MYH15: variants seen among roughly 807,000 people sequenced by gnomAD.
MYH15 encodes the protein myosin heavy chain 15, also known as myosin-15.
A neutral mutation model predicts 240.5 loss-of-function variants in MYH15; 227 were observed. The ratio of observed to expected loss-of-function variants is 0.94; its 90% confidence interval spans 0.85 to 1.05. The LOEUF is 1.05. Among genes scored for constraint, MYH15 ranks in the 50% least tolerant of loss-of-function variants. The probability of loss-of-function intolerance (pLI) is 0.00; values close to 1 mark genes in which losing one functional copy is unlikely to be tolerated. For missense variants in MYH15, 2,217 were observed against 2,247.5 expected (o/e 0.99, Z 0.27); for synonymous variants, 785 against 796.7 (o/e 0.99, Z 0.25).
At chr3:108,525,461 C>T (rs1282136277) in intron 1 of MYH15, among the ~76,000 whole-genome samples, 5 of 152,240 alleles carry the variant, frequency 3.3e-5, no homozygotes, top group Admixed American at 6.5e-5. Context: ...AATGACCCAG[C>T]ACATTGCATT....
chr3:108,424,848 A>G (rs1423596620), intron 27 of MYH15, among the ~76,000 whole-genome samples: 1 of 152,230 alleles, frequency 6.6e-6, no homozygotes, highest in Non-Finnish European at 1.5e-5. Context: ...CATGCTCACC[A>G]ACAGACATAC....
At chr3:108,477,521 T>A (rs1202862419) in intron 11 of MYH15, among the ~76,000 whole-genome samples, 1 of 152,196 alleles carries the variant, frequency 6.6e-6, no homozygotes, top group African/African-American at 2.4e-5. Flanking sequence ...CTTTTAAAAA[T>A]TGAGATATAA....
chr3:108,408,582 A>G (rs1216418659), intron 31 of MYH15, among the ~76,000 whole-genome samples, 178 bp from the exon 32 acceptor site: 2 of 152,206 alleles, frequency 1.3e-5, no homozygotes, highest in African/African-American at 4.8e-5. Context: ...ATTTTTTCAT[A>G]TAGTCTTTTG....
chr3:108,458,274 ATAGAACTCAGCTAAT>A (rs1040730923), intron 18 of MYH15, among the ~76,000 whole-genome samples: 6 of 152,352 alleles, frequency 3.9e-5, no homozygotes, highest in Non-Finnish European at 7.3e-5. Context: ...TTGCTCCAAA[ATAGAACTCAGCTAAT>A]TAGATTCCTT....
intron 1 of MYH15, among the ~76,000 whole-genome samples, chr3:108,521,419 T>C (rs1229977769): frequency 6.6e-6 from 1 of 152,090 alleles, no homozygotes; most frequent in African/African-American, 2.4e-5. Context: ...AGGAAACTCT[T>C]TGAGTTATAG....
intron 14 of MYH15, among the ~76,000 whole-genome samples, chr3:108,469,601 C>T (rs2083153466): frequency 6.6e-6 from 1 of 152,186 alleles, no homozygotes; most frequent in Non-Finnish European, 1.5e-5. Context: ...AAGGTAGTGG[C>T]CTTGAGGATT....
At chr3:108,486,216 T>A (rs2083304450) in intron 10 of MYH15, among the ~76,000 whole-genome samples, 1 of 152,216 alleles carries the variant, frequency 6.6e-6, no homozygotes, top group South Asian at 2.1e-4. Flanking sequence ...AGTTGAAATA[T>A]CTTTCTACTT....
At chr3:108,393,104 T>C (rs2082432918) in intron 36 of MYH15, among the ~76,000 whole-genome samples, 1 of 152,224 alleles carries the variant, frequency 6.6e-6, no homozygotes, top group East Asian at 1.9e-4. Context: ...TACAAGCTCT[T>C]CACCTCCTTT....
At chr3:108,391,618 G>T in intron 37 of MYH15, 142 bp downstream of exon 37, 1 of 877,196 alleles carries the variant, frequency 1.1e-6, no homozygotes, top group Non-Finnish European at 1.8e-6. Flanking sequence ...ATTGAGATCT[G>T]ACACTCTTAA....
chr3:108,482,960 C>T (rs1236951366), intron 11 of MYH15, among the ~76,000 whole-genome samples: 2 of 151,886 alleles, frequency 1.3e-5, no homozygotes, highest in South Asian at 2.1e-4. Flanking sequence ...TTTGGGAGGC[C>T]GAGGTGGGTA....
intron 2 of MYH15, among the ~76,000 whole-genome samples, chr3:108,503,623 T>G (rs1031051378): frequency 6.6e-6 from 1 of 152,214 alleles, no homozygotes; most frequent in South Asian, 2.1e-4. Context: ...TCATGCCCAA[T>G]AGAATGGCTG....
rs920317044 is a variant in MYH15, at chr3:108,415,919, T to C, written c.3948+893A>G. On this transcript the variant is annotated intron_variant, in intron 29 of 40. Coordinates refer to ENST00000693548, the MANE Select transcript of MYH15 (RefSeq NM_014981.3). ...GCAGCCAGAGAGATCTTCTAAAATA[T>C]AACTCATTTCACTATGCGTTTAAGT... is the stretch of plus-strand genomic sequence containing the variant. Among the ~76,000 whole-genome samples, 6 of 152,326 alleles carry C rather than the reference T, an allele frequency of 3.9e-5. No homozygotes were observed. The East Asian group carries it at 1.2e-3, about 29-fold the overall frequency.
intron 9 of MYH15, among the ~76,000 whole-genome samples, chr3:108,492,124 T>C (rs1471508331): frequency 6.6e-6 from 1 of 151,892 alleles, no homozygotes; most frequent in Admixed American, 6.6e-5. Flanking sequence ...CCACACACTA[T>C]GATGCTATTT....
intron 2 of MYH15, among the ~76,000 whole-genome samples, chr3:108,504,382 AT>A (rs2083458641): frequency 6.6e-6 from 1 of 152,186 alleles, no homozygotes; most frequent in Non-Finnish European, 1.5e-5. Context: ...CATCTACCTA[AT>A]TTGAGATTTT....
intron 12 of MYH15, among the ~76,000 whole-genome samples, chr3:108,473,662 A>G (rs945643270): frequency 3.3e-5 from 5 of 152,224 alleles, no homozygotes; most frequent in Non-Finnish European, 7.3e-5. Context: ...TACATCACCT[A>G]TAGTTAGTAC....
chr3:108,507,276 T>TACAC lies in MYH15; in HGVS notation c.89-1451_89-1448dup, dbSNP rs759063230. 5.2e-3 allele frequency among the ~76,000 whole-genome samples: 510 copies of TACAC among 97,858 alleles called. 35 individuals are homozygous for TACAC. The highest frequency in any genetic ancestry group is 0.01 in the Middle Eastern group (2 of 194). The allele number at this position is 97,858 out of a possible 152,430, so 64.2% of individuals were successfully genotyped here. A position where few individuals can be genotyped will look rare whatever the true frequency, so the allele number is the denominator to read the frequency against. On this transcript the variant is annotated intron_variant, in intron 1 of 40. Coordinates refer to ENST00000693548, the MANE Select transcript of MYH15 (RefSeq NM_014981.3). ...ATATATATATATATATATATATATA[T>TACAC]ACACATATGAAAATGAGCCTTAGTA...
chr3:108,532,916 T>C (rs2083721253), upstream of MYH15, among the ~76,000 whole-genome samples: 1 of 152,114 alleles, frequency 6.6e-6, no homozygotes, highest in Admixed American at 6.5e-5. Flanking sequence ...GTAGTTCCAC[T>C]TTACCAATGT....
At chr3:108,446,747 T>C (rs1426803472) in intron 21 of MYH15, among the ~76,000 whole-genome samples, 2 of 83,370 alleles carry the variant, frequency 2.4e-5, no homozygotes, top group Non-Finnish European at 6.4e-5. Context: ...TTTTGCCCAG[T>C]CAAAGCCAGT....
At chr3:108,520,509 T>C (rs2083609884) in intron 1 of MYH15, among the ~76,000 whole-genome samples, 1 of 152,168 alleles carries the variant, frequency 6.6e-6, no homozygotes. Context: ...TAAATTTGTC[T>C]ACTGGTTTTT....
Sources: allele counts gnomAD v4.1 joint callset (sites outside exome capture counted in the v4.1 genomes callset), GRCh38; gene constraint gnomAD v4.1.1; transcripts MANE v1.5; gene names NCBI Gene and HGNC (gene_info 2026-07-23, HGNC 2026-07-21).